PHACTR4: variants seen among roughly 807,000 people sequenced by gnomAD.
The protein encoded by PHACTR4 is protein phosphatase 1, regulatory subunit 124.
A neutral mutation model predicts 72.7 loss-of-function variants in PHACTR4; 51 were observed. The ratio of observed to expected loss-of-function variants is 0.70; its 90% CI spans 0.56 to 0.89. PHACTR4 has a LOEUF of 0.89. PHACTR4 is among the 40% of genes least tolerant of loss of function. The pLI, the probability that PHACTR4 is intolerant of heterozygous loss-of-function variation, is 0.00. For synonymous variants in PHACTR4, 255 were observed against 302.5 expected, an observed-to-expected ratio of 0.84 and a Z score of 1.63; for missense variants, 731 against 861.8, an observed-to-expected ratio of 0.85 and a Z score of 1.90.
At chr1:28,488,709 A>G (rs1557850548) in intron 9 of PHACTR4, among the ~76,000 whole-genome samples, 1 of 152,130 alleles carries the variant, frequency 6.6e-6, no homozygotes, top group Non-Finnish European at 1.5e-5. Flanking sequence ...AAAAAAATCT[A>G]TATATAGATA....
intron 5 of PHACTR4, 121 bp from the exon 6 acceptor site, chr1:28,466,261 C>A: frequency 8.7e-7 from 1 of 1,146,922 alleles, no homozygotes; most frequent in Non-Finnish European, 1.2e-6. Flanking sequence ...AGAATGGTAA[C>A]CTATAAGCTA....
At chr1:28,485,636 C>G (rs937782350) in intron 9 of PHACTR4, among the ~76,000 whole-genome samples, 19 of 150,430 alleles carry the variant, frequency 1.3e-4, no homozygotes, top group African/African-American at 4.4e-4. Flanking sequence ...TGTGGTGGCT[C>G]ATGCCTATAA....
In PHACTR4 at chr1:28,432,122, T is replaced by C. The variant is rs1656307355; in HGVS notation, c.16+24659T>C. Reference sequence around the variant, plus strand: ...TACTCAGGAGGGTGAGGCAGGAGAATCACTTGAACCCAGGAGGTGGAGGTT... The same window carrying C: ...TACTCAGGAGGGTGAGGCAGGAGAACCACTTGAACCCAGGAGGTGGAGGTT... On this transcript the variant is annotated intron_variant, in intron 2 of 13. Coordinates refer to ENST00000373839, the MANE Select transcript of PHACTR4 (RefSeq NM_001048183.3). Among the ~76,000 whole-genome samples, 3 of 151,944 alleles carry C rather than the reference T, an allele frequency of 2.0e-5. No individual in the cohort carries two copies. In the South Asian group the frequency reaches 6.2e-4, roughly 32 times the overall value.
chr1:28,447,905 C>T (rs536394291), intron 2 of PHACTR4, among the ~76,000 whole-genome samples: 2 of 152,266 alleles, frequency 1.3e-5, no homozygotes, highest in South Asian at 4.1e-4. Flanking sequence ...TGTGGGCCTT[C>T]TCTATACAAA....
chr1:28,430,632 A>T (rs1189610691), intron 2 of PHACTR4, among the ~76,000 whole-genome samples: 2 of 152,060 alleles, frequency 1.3e-5, no homozygotes, highest in African/African-American at 4.8e-5. Flanking sequence ...TATTTGTGTG[A>T]TTTGCTAGTA....
intron 2 of PHACTR4, among the ~76,000 whole-genome samples, chr1:28,418,957 TAAAA>T (rs1410910931): frequency 2.0e-5 from 3 of 146,586 alleles, no homozygotes; most frequent in Non-Finnish European, 3.0e-5. Flanking sequence ...TCTCAAAAAA[TAAAA>T]AAAGGAGAAA....
intron 2 of PHACTR4, among the ~76,000 whole-genome samples, chr1:28,444,316 G>A (rs74959585): frequency 0.1 from 12,821 of 126,060 alleles, 1,208 homozygotes; most frequent in African/African-American, 0.27. Context: ...TGCAACCTCC[G>A]ACTCCCTGGT....
intron 2 of PHACTR4, among the ~76,000 whole-genome samples, chr1:28,409,990 CAG>C (rs1331501534): frequency 2.1e-5 from 2 of 94,218 alleles, no homozygotes; most frequent in Admixed American, 3.2e-4. Context: ...TTTTTTGAGA[CAG>C]AGTCTCGCTG....
Position 28,466,787 on chromosome 1 carries a change from T to A in PHACTR4, c.823+19T>A. The A allele has an allele frequency of 1.9e-6, 3 of 1,592,132 alleles. No homozygotes were observed. The highest frequency in any genetic ancestry group is 2.6e-6 in the Non-Finnish European group (3 of 1,167,138). On this transcript the variant is annotated intron_variant, in intron 6 of 13. Coordinates refer to ENST00000373839, the MANE Select transcript of PHACTR4 (RefSeq NM_001048183.3). The stretch of plus-strand genomic sequence containing the variant: ...GTCATTGGTAAGTAAGTCTTTAGGC[T>A]TCCAGTGTTTTGGGTTTGGTTTGAT...
intron 1 of PHACTR4, among the ~76,000 whole-genome samples, chr1:28,401,057 T>TA (rs1239443598): frequency 6.6e-6 from 1 of 152,132 alleles, no homozygotes; most frequent in Non-Finnish European, 1.5e-5. Flanking sequence ...GAACTCCCCT[T>TA]AGGTGGGAGG....
intron 9 of PHACTR4, among the ~76,000 whole-genome samples, chr1:28,483,754 G>A (rs187005043): frequency 2.8e-5 from 4 of 143,858 alleles, no homozygotes; most frequent in African/African-American, 5.3e-5. Flanking sequence ...AGCTGACATC[G>A]TGCCACTGCA....
intron 1 of PHACTR4, among the ~76,000 whole-genome samples, chr1:28,370,574 G>A (rs1371616245): frequency 6.8e-6 from 1 of 147,372 alleles, no homozygotes; most frequent in Non-Finnish European, 1.5e-5. Flanking sequence ...CCCAAATCTC[G>A]GAGGAGAGTG....
chr1:28,470,433 T>C (rs1271965888), intron 6 of PHACTR4, among the ~76,000 whole-genome samples: 3 of 151,834 alleles, frequency 2.0e-5, no homozygotes, highest in African/African-American at 7.3e-5. Context: ...CTCACACCTG[T>C]AGTACCAACA....
At chr1:28,378,607 A>G (rs1188915385) in intron 1 of PHACTR4, among the ~76,000 whole-genome samples, 1 of 117,300 alleles carries the variant, frequency 8.5e-6, no homozygotes, top group Non-Finnish European at 1.7e-5. Context: ...CAAGGGCACA[A>G]GGGGGAAAAA....
intron 5 of PHACTR4, 42 bp downstream of exon 5, chr1:28,465,891 G>C: frequency 1.3e-6 from 2 of 1,566,382 alleles, no homozygotes; most frequent in African/African-American, 2.8e-5. Flanking sequence ...CCACGGGCCA[G>C]TTATTCTCCT....
intron 2 of PHACTR4, among the ~76,000 whole-genome samples, chr1:28,450,047 C>G (rs942020157): frequency 2.6e-5 from 4 of 151,826 alleles, no homozygotes; most frequent in African/African-American, 9.7e-5. Flanking sequence ...GTTTAAATAC[C>G]AGGCCTGGTT....
At chr1:28,448,780 A>ACAAAAAAC (rs770447095) in intron 2 of PHACTR4, among the ~76,000 whole-genome samples, 1 of 134,388 alleles carries the variant, frequency 7.4e-6, no homozygotes, top group African/African-American at 3.4e-5. Context: ...AAAAAAAAAA[A>ACAAAAAAC]AAAAACCTGA....
At chr1:28,399,555 T>C (rs1380562022) in intron 1 of PHACTR4, among the ~76,000 whole-genome samples, 1 of 152,186 alleles carries the variant, frequency 6.6e-6, no homozygotes, top group Non-Finnish European at 1.5e-5. Context: ...GGTCTCGGAC[T>C]ATGTAGTACT....
At chr1:28,429,017 G>C (rs1225685402) in intron 2 of PHACTR4, among the ~76,000 whole-genome samples, 1 of 152,204 alleles carries the variant, frequency 6.6e-6, no homozygotes. Flanking sequence ...CCTTCTAGAA[G>C]TGGAGGCAAG....
Sources: allele counts gnomAD v4.1 joint callset (sites outside exome capture counted in the v4.1 genomes callset), GRCh38; gene constraint gnomAD v4.1.1; transcripts MANE v1.5; gene names NCBI Gene and HGNC (gene_info 2026-07-23, HGNC 2026-07-21).